Variants in GREM2 observed in about 807,000 individuals in gnomAD.
The protein encoded by GREM2 is gremlin 2, DAN family BMP antagonist, also known as gremlin-2.
A neutral mutation model predicts 14.2 loss-of-function variants in GREM2; 11 were observed. The ratio of observed to expected loss-of-function variants is 0.78; its 90% confidence interval spans 0.49 to 1.28. The LOEUF is 1.28. Among genes scored for constraint, GREM2 ranks in the 50% most tolerant of loss-of-function variants. The pLI, the probability that GREM2 is intolerant of heterozygous loss-of-function variation, is 0.00. For synonymous variants in GREM2, 98 were observed against 97.6 expected (o/e 1.00, Z -0.02); for missense variants, 210 against 218.5 (o/e 0.96, Z 0.24).
At chr1:240,591,338 G>C (rs1317188009) in intron 1 of GREM2, among the ~76,000 whole-genome samples, 2 of 152,172 alleles carry the variant, frequency 1.3e-5, no homozygotes, top group Non-Finnish European at 2.9e-5. Context: ...CTCAATAAAC[G>C]CTTGTTGAAG....
intron 1 of GREM2, among the ~76,000 whole-genome samples, chr1:240,587,904 T>C (rs1437399976): frequency 3.3e-5 from 5 of 152,190 alleles, no homozygotes; most frequent in Admixed American, 3.3e-4. Context: ...TTCTGAACTC[T>C]GCCCTATTCC....
chr1:240,536,573 T>A (rs1173482328), intron 1 of GREM2, among the ~76,000 whole-genome samples: 2 of 152,156 alleles, frequency 1.3e-5, no homozygotes, highest in African/African-American at 2.4e-5. Flanking sequence ...GTCAGGAGTT[T>A]AAGACAAAAT....
At chr1:240,577,202 A>G (rs1038353100) in intron 1 of GREM2, among the ~76,000 whole-genome samples, 1 of 152,236 alleles carries the variant, frequency 6.6e-6, no homozygotes, top group Non-Finnish European at 1.5e-5. Flanking sequence ...CAAAATAAAT[A>G]GAAGTTCCAT....
Position 240,492,740 on chromosome 1 carries a change from G to A in GREM2, c.*229C>T, listed in dbSNP as rs771911224. 44 of 350,622 alleles carry A rather than the reference G, an allele frequency of 1.3e-4. No individual in the cohort carries two copies. The highest frequency in any genetic ancestry group is 2.0e-4 in the Non-Finnish European group (41 of 201,590). The allele number at this position is 350,622 out of a possible 1,614,324, so 21.7% of individuals were successfully genotyped here. On this transcript the variant is annotated 3_prime_UTR_variant, in exon 2 of 2. Transcript: ENST00000318160. ...TCCTTCGGGCCTGATCCACCGCCTG[G>A]TTTAGGGGGCACAGGTGGGACCCGG...
intron 1 of GREM2, among the ~76,000 whole-genome samples, chr1:240,610,302 AAT>A (rs938903945): frequency 1.7e-4 from 24 of 143,440 alleles, no homozygotes; most frequent in Non-Finnish European, 3.2e-4. Context: ...AAGGAAAAAA[AAT>A]TTATCTATAA....
chr1:240,562,910 G>A (rs537173457), intron 1 of GREM2, among the ~76,000 whole-genome samples: 1 of 149,778 alleles, frequency 6.7e-6, no homozygotes, highest in South Asian at 2.1e-4. Context: ...GTGTATGTAT[G>A]TCTGTGAGTG....
rs981551082 is a variant in GREM2, at chr1:240,492,615, G to T, written c.*354C>A. The T allele has an allele frequency of 3.0e-5, 5 of 167,090 alleles. No individual in the cohort carries two copies. The highest frequency in any genetic ancestry group is 6.4e-5 in the Non-Finnish European group (5 of 78,300). The allele number at this position is 167,090 out of a possible 1,614,324, so 10.4% of individuals were successfully genotyped here. ...GCAGGGCGGGGCCAGGGAAATCCTT[G>T]CTTTTCCACATGGTGGAAACATCAA... On this transcript the variant is annotated 3_prime_UTR_variant, in exon 2 of 2. Transcript: ENST00000318160.
chr1:240,555,042 G>A (rs1438977531), intron 1 of GREM2, among the ~76,000 whole-genome samples: 10 of 152,062 alleles, frequency 6.6e-5, no homozygotes, highest in Non-Finnish European at 1.5e-4. Flanking sequence ...CTACTCAGGA[G>A]GCTGAGACAA....
chr1:240,553,149 G>A (rs1164457604), intron 1 of GREM2, among the ~76,000 whole-genome samples: 1 of 152,204 alleles, frequency 6.6e-6, no homozygotes, highest in African/African-American at 2.4e-5. Context: ...AATTAAAAGT[G>A]AGACAGCTGG....
At chr1:240,610,742 T>C (rs1680115909) in intron 1 of GREM2, among the ~76,000 whole-genome samples, 1 of 152,142 alleles carries the variant, frequency 6.6e-6, no homozygotes, top group Non-Finnish European at 1.5e-5. Context: ...AAAGGTAAGG[T>C]ATTTGATTGC....
intron 1 of GREM2, among the ~76,000 whole-genome samples, chr1:240,502,025 A>G (rs1032028055): frequency 5.3e-5 from 8 of 151,946 alleles, no homozygotes; most frequent in African/African-American, 1.9e-4. Context: ...AACACCAATC[A>G]TGCTCTCGTG....
intron 1 of GREM2, among the ~76,000 whole-genome samples, chr1:240,536,670 G>GCTACGTGCATGGGGATA (rs1558153629): frequency 7.8e-6 from 1 of 127,842 alleles, no homozygotes; most frequent in Non-Finnish European, 1.7e-5. Flanking sequence ...GCCATCTGTA[G>GCTACGTGCATGGGGATA]AGTTTAAGAC....
chr1:240,588,304 T>A (rs1679640292), intron 1 of GREM2, among the ~76,000 whole-genome samples: 3 of 152,214 alleles, frequency 2.0e-5, no homozygotes, highest in Admixed American at 1.3e-4. Flanking sequence ...ACACCTACCC[T>A]TGTTCCTGGC....
intron 1 of GREM2, among the ~76,000 whole-genome samples, chr1:240,562,927 T>A (rs1679084560): frequency 6.7e-6 from 1 of 149,078 alleles, no homozygotes; most frequent in Non-Finnish European, 1.5e-5. Context: ...AGTGTATGTG[T>A]ATGTGTGTGA....
Position 240,543,989 on chromosome 1 carries a change from A to G in GREM2, c.-1-50513T>C, listed in dbSNP as rs1678657948. Among the ~76,000 whole-genome samples the G allele has an allele frequency of 6.6e-6, 1 of 152,214 alleles. No homozygotes were observed. Among genetic ancestry groups the G allele is most frequent in the African/African-American group, 2.4e-5 (1 of 41,466 alleles). On this transcript the variant is annotated intron_variant, in intron 1 of 1. Transcript: ENST00000318160. This position sits in a 1 kb window ranked among gnomAD's most constrained non-coding sequence, Gnocchi z 6.4. ...GATCAAAAATATTAAGGAAAATTCC[A>G]CAGTTATAAAAATCAAAACTTGAAT...
intron 1 of GREM2, chr1:240,550,109 G>C (rs1240376721): frequency 6.6e-6 from 1 of 152,068 alleles, no homozygotes; most frequent in African/African-American, 2.4e-5. Context: ...ACAATCTCCC[G>C]CCTCCCGGGT....
At chr1:240,521,877 C>T (rs993635977) in intron 1 of GREM2, among the ~76,000 whole-genome samples, 1 of 151,784 alleles carries the variant, frequency 6.6e-6, no homozygotes, top group Non-Finnish European at 1.5e-5. Flanking sequence ...TCTGGAAGGC[C>T]GAGGTGGGCA....
rs115048791 is a variant in GREM2, at chr1:240,584,088, C to T, written c.-2+27796G>A. On this transcript the variant is annotated intron_variant, in intron 1 of 1. Transcript: ENST00000318160. ...CTGCATCAATGGATTCAACCAAACTCAGATCAAAAATATTTGGAGAAAAAA... is the reference window on the plus strand; with the variant it reads ...CTGCATCAATGGATTCAACCAAACTTAGATCAAAAATATTTGGAGAAAAAA... 7.6e-3 allele frequency among the ~76,000 whole-genome samples: 1,160 copies of T among 151,932 alleles called. 17 individuals are homozygous for T. Among genetic ancestry groups the T allele is most frequent in the African/African-American group, 0.027 (1,116 of 41,414 alleles).
chr1:240,536,531 G>A (rs368925917), intron 1 of GREM2, among the ~76,000 whole-genome samples: 17 of 152,314 alleles, frequency 1.1e-4, no homozygotes, highest in East Asian at 3.9e-4. Flanking sequence ...ATTGTTCCTC[G>A]GATGGGGAAA....
Sources: gnomAD v4.1 joint callset for allele counts (sites outside exome capture counted in the v4.1 genomes callset) on GRCh38, gnomAD v4.1.1 for gene constraint, Gnocchi (gnomAD v3.1) non-coding constraint, MANE v1.5 for transcripts, NCBI Gene and HGNC (gene_info 2026-07-23, HGNC 2026-07-21) for gene names.